The following SH3PXD2A variants were observed in gnomAD, a reference collection of about 807,000 sequenced individuals.
SH3PXD2A encodes SH3 and PX domains 2A.
In SH3PXD2A, 32 loss-of-function variants were observed where a neutral mutation model predicts 115.2. The observed-to-expected ratio is 0.28, with a 90% CI of 0.21 to 0.37. The LOEUF (loss-of-function observed/expected upper bound fraction) is 0.37, where lower values mean the gene tolerates loss of function less well. Ranked by LOEUF, SH3PXD2A falls within the 10% of genes least tolerant of loss-of-function variation. The pLI is 1.00. For synonymous variants in SH3PXD2A, 610 were observed against 629.1 expected (o/e 0.97, Z 0.45); for missense variants, 1,328 against 1,498.7 (o/e 0.89, Z 1.88).
chr10:103,848,942 T>G (rs1842872031), intron 1 of SH3PXD2A, among the ~76,000 whole-genome samples: 1 of 123,108 alleles, frequency 8.1e-6, no homozygotes, highest in African/African-American at 3.0e-5. Flanking sequence ...ACTTTCCCCA[T>G]ATATTCTTTT....
chr10:103,692,514 A>G (rs1446114857), intron 6 of SH3PXD2A, among the ~76,000 whole-genome samples: 1 of 152,240 alleles, frequency 6.6e-6, no homozygotes, highest in Non-Finnish European at 1.5e-5. Context: ...TCTGTGGTGC[A>G]GGCGCTAAAA....
chr10:103,639,094 C>T (rs879411691), intron 8 of SH3PXD2A, among the ~76,000 whole-genome samples: 17 of 152,262 alleles, frequency 1.1e-4, no homozygotes, highest in Non-Finnish European at 2.1e-4. Context: ...GGACTTGGCA[C>T]GAGACTGCTT....
Position 103,597,825 on chromosome 10 carries a change from T to C in SH3PXD2A, c.*3991A>G, listed in dbSNP as rs2036156708. 1 of 152,584 alleles carries C rather than the reference T, an allele frequency of 6.6e-6. No individual in the cohort carries two copies. Among genetic ancestry groups the C allele is most frequent in the South Asian group, 2.1e-4 (1 of 4,824 alleles). The allele number at this position is 152,584 out of a possible 1,614,324, so 9.5% of individuals were successfully genotyped here. Reference sequence around the variant, plus strand: ...AAGGTATTTGGAGGGGTAGGGGAAGTGAGTAACCTTAAAGAAATAATATAT... The same window carrying C: ...AAGGTATTTGGAGGGGTAGGGGAAGCGAGTAACCTTAAAGAAATAATATAT... On this transcript the variant is annotated 3_prime_UTR_variant, in exon 15 of 15. Transcript: ENST00000369774.
intron 1 of SH3PXD2A, among the ~76,000 whole-genome samples, chr10:103,821,513 C>A (rs2039379569): frequency 6.6e-6 from 1 of 152,086 alleles, no homozygotes; most frequent in Non-Finnish European, 1.5e-5. Context: ...CCTTGACAAT[C>A]TCCATCAGCC....
chr10:103,844,343 G>C (rs1336689658), intron 1 of SH3PXD2A, among the ~76,000 whole-genome samples: 1 of 152,208 alleles, frequency 6.6e-6, no homozygotes, highest in Non-Finnish European at 1.5e-5. Flanking sequence ...CCCCATGCCA[G>C]GCCGGCCAGG....
At chr10:103,855,131 G>T in intron 1 of SH3PXD2A, 64 bp downstream of exon 1, 2 of 1,245,828 alleles carry the variant, frequency 1.6e-6, no homozygotes, top group Non-Finnish European at 2.2e-6. Context: ...GGGGCAAGGG[G>T]CCATCCGGGG....
intron 1 of SH3PXD2A, among the ~76,000 whole-genome samples, chr10:103,854,120 G>A (rs1192166139): frequency 2.0e-5 from 3 of 152,158 alleles, no homozygotes; most frequent in South Asian, 2.1e-4. Context: ...AGAGTAGCCC[G>A]AGGCTGACAT....
chr10:103,759,749 A>T (rs1466106959), intron 3 of SH3PXD2A, among the ~76,000 whole-genome samples: 1 of 152,246 alleles, frequency 6.6e-6, no homozygotes, highest in East Asian at 1.9e-4. Context: ...CAGGATGGGC[A>T]ACAGGAGATG....
rs186940095 is a variant in SH3PXD2A at position 103,685,212 on chromosome 10, G to A, written c.427+7816C>T. ...AAATTAGCTGGGCATGGTGGCGGAC[G>A]CCTATAATTCCATCTACTTGGGAGG... On this transcript the variant is annotated intron_variant, in intron 6 of 14. Transcript: ENST00000369774. 2.5e-3 allele frequency among the ~76,000 whole-genome samples: 382 copies of A among 151,888 alleles called. 2 individuals are homozygous for A. The highest frequency in any genetic ancestry group is 3.9e-3 in the Non-Finnish European group (262 of 67,928).
At chr10:103,752,172 A>C (rs1475738539) in intron 3 of SH3PXD2A, among the ~76,000 whole-genome samples, 3 of 152,150 alleles carry the variant, frequency 2.0e-5, no homozygotes, top group African/African-American at 7.2e-5. Context: ...CTGCCTTCCA[A>C]AGGAAATGGA....
intron 10 of SH3PXD2A, among the ~76,000 whole-genome samples, chr10:103,622,184 C>T (rs980652701): frequency 6.6e-6 from 1 of 152,130 alleles, no homozygotes; most frequent in African/African-American, 2.4e-5. Flanking sequence ...CCGAAACCCC[C>T]TTGTCCCCCT....
rs374237834 is a variant in SH3PXD2A at position 103,664,652 on chromosome 10, A to G, written c.473-3538T>C. Among the ~76,000 whole-genome samples the G allele has an allele frequency of 2.2e-4, 32 of 145,604 alleles. No homozygotes were observed. In the East Asian group the frequency reaches 5.0e-3, roughly 23 times the overall value. The stretch of plus-strand genomic sequence containing the variant: ...GCGGCTGCTTAATAAAGACTAGAGT[A>G]TGGGTTTCTTTCTCTCTCTTTTTTT... On this transcript the variant is annotated intron_variant, in intron 7 of 14. Transcript: ENST00000369774.
chr10:103,740,769 G>A (rs188692211), intron 3 of SH3PXD2A, among the ~76,000 whole-genome samples: 44 of 152,240 alleles, frequency 2.9e-4, no homozygotes, highest in East Asian at 1.9e-4. Flanking sequence ...CACTTGGAAC[G>A]CCATTCATTC....
intron 8 of SH3PXD2A, among the ~76,000 whole-genome samples, chr10:103,630,034 A>G (rs1255193021): frequency 2.6e-5 from 4 of 152,226 alleles, no homozygotes; most frequent in African/African-American, 7.2e-5. Flanking sequence ...TTTTGCCTGA[A>G]GGTGGCTGGG....
chr10:103,794,644 C>A (rs940319238), intron 2 of SH3PXD2A, among the ~76,000 whole-genome samples: 7 of 152,220 alleles, frequency 4.6e-5, no homozygotes, highest in Non-Finnish European at 1.0e-4. Context: ...CCAAGCAACC[C>A]AGGCCCTTAA....
At chr10:103,777,240 C>G (rs971824706) in intron 2 of SH3PXD2A, among the ~76,000 whole-genome samples, 1 of 152,248 alleles carries the variant, frequency 6.6e-6, no homozygotes, top group East Asian at 1.9e-4. Flanking sequence ...TCTTATCACC[C>G]CTGTCACCAT....
intron 6 of SH3PXD2A, among the ~76,000 whole-genome samples, chr10:103,681,484 T>C (rs573892707): frequency 6.6e-6 from 1 of 152,328 alleles, no homozygotes; most frequent in South Asian, 2.1e-4. Flanking sequence ...AAAATGCAGA[T>C]TGGCTGGGTG....
chr10:103,713,474 C>G (rs2038069628), intron 5 of SH3PXD2A, among the ~76,000 whole-genome samples: 1 of 152,170 alleles, frequency 6.6e-6, no homozygotes, highest in South Asian at 2.1e-4. Flanking sequence ...TTGGCCTAGC[C>G]CTAGCCAAAA....
At position 103,666,673 on chromosome 10, in the gene SH3PXD2A, A is replaced by G. The variant is rs1474535189; in HGVS notation, c.472+1935T>C. ...GTAACCTCTCTTGAGCTTTAGTGTC[A>G]TCTGGAAACAGGAACAATAGCAGTT... is the stretch of plus-strand genomic sequence containing the variant. On this transcript the variant is annotated intron_variant, in intron 7 of 14. Coordinates refer to ENST00000369774, the MANE Select transcript of SH3PXD2A (RefSeq NM_001394015.1). This position sits in a 1 kb window ranked among gnomAD's most constrained non-coding sequence, Gnocchi z 4.5. Among the ~76,000 whole-genome samples the G allele has an allele frequency of 6.6e-6, 1 of 152,258 alleles. No individual in the cohort carries two copies. The highest frequency in any genetic ancestry group is 1.5e-5 in the Non-Finnish European group (1 of 68,046).
Sources: allele counts gnomAD v4.1 joint callset (sites outside exome capture counted in the v4.1 genomes callset), GRCh38; gene constraint gnomAD v4.1.1; non-coding constraint Gnocchi (gnomAD v3.1); transcripts MANE v1.5; gene names NCBI Gene and HGNC (gene_info 2026-07-23, HGNC 2026-07-21).